The following LRRC7 variants were observed in gnomAD, a reference collection of about 807,000 sequenced individuals.
LRRC7 encodes the protein leucine rich repeat containing 7.
In LRRC7, 23 loss-of-function variants were observed where a neutral mutation model predicts 175.7. The ratio of observed to expected loss-of-function variants is 0.13; its 90% CI spans 0.09 to 0.19. LRRC7 has a LOEUF of 0.19. LRRC7 is among the 10% of genes least tolerant of loss of function. The pLI, the probability that LRRC7 is intolerant of heterozygous loss-of-function variation, is 1.00. For missense variants in LRRC7, 1,354 were observed against 1,904.7 expected (o/e 0.71, Z 5.38); for synonymous variants, 685 against 680.9 (o/e 1.01, Z -0.09).
intron 5 of LRRC7, among the ~76,000 whole-genome samples, chr1:69,832,044 G>C (rs1680582838): frequency 6.6e-6 from 1 of 152,206 alleles, no homozygotes; most frequent in South Asian, 2.1e-4. Flanking sequence ...AAATATAAAT[G>C]TGTTTGTTTT....
chr1:69,690,397 C>T (rs1028536830), intron 2 of LRRC7, among the ~76,000 whole-genome samples: 11 of 152,056 alleles, frequency 7.2e-5, no homozygotes, highest in African/African-American at 2.4e-4. Context: ...TTTGGATGTC[C>T]GGGAAGAAGT....
rs181061674 is a variant in LRRC7, at chr1:69,741,682, G to C, written c.101-18509G>C. On this transcript the variant is annotated intron_variant, in intron 2 of 26. Coordinates refer to ENST00000651989, the MANE Select transcript of LRRC7 (RefSeq NM_001370785.2). ...GTATTCAGAATAGGGGCAAGCTAAA[G>C]AAGACTTACGAACCATGACTAGCCA... 2.5e-3 allele frequency among the ~76,000 whole-genome samples: 383 copies of C among 152,098 alleles called. 3 individuals are homozygous for C. Among genetic ancestry groups the C allele is most frequent in the African/African-American group, 8.5e-3 (353 of 41,530 alleles).
rs1482279289 is a variant in LRRC7, at chr1:70,135,958, A to G, written c.*14071A>G. 6.6e-6 allele frequency among the ~76,000 whole-genome samples: 1 copy of G among 152,188 alleles called. No homozygotes were observed. Among genetic ancestry groups the G allele is most frequent in the Non-Finnish European group, 1.5e-5 (1 of 68,032 alleles). On this transcript the variant is annotated 3_prime_UTR_variant, in exon 27 of 27. Coordinates refer to ENST00000651989, the MANE Select transcript of LRRC7 (RefSeq NM_001370785.2). ...GCAGGACATCACTGCTATATTCTTT[A>G]TAAAACCATGAATGTTGCTAGCAAA...
chr1:70,018,895 G>T, intron 15 of LRRC7, 77 bp downstream of exon 15: 1 of 1,092,642 alleles, frequency 9.2e-7, no homozygotes, highest in Non-Finnish European at 1.4e-6. Flanking sequence ...CAGATCTCTG[G>T]CCAGGAGTAC....
At chr1:69,899,468 T>G (rs886410030) in intron 7 of LRRC7, among the ~76,000 whole-genome samples, 2 of 152,166 alleles carry the variant, frequency 1.3e-5, no homozygotes, top group Non-Finnish European at 2.9e-5. Flanking sequence ...AGCCTACAAT[T>G]TCCAACTATT....
At chr1:69,639,473 C>G (rs970427519) in intron 1 of LRRC7, among the ~76,000 whole-genome samples, 1 of 151,804 alleles carries the variant, frequency 6.6e-6, no homozygotes, top group African/African-American at 2.4e-5. Flanking sequence ...AGCTTTTCTG[C>G]AAACTCTATT....
chr1:69,978,694 C>G (rs1392575417), intron 8 of LRRC7, among the ~76,000 whole-genome samples: 2 of 152,216 alleles, frequency 1.3e-5, no homozygotes, highest in African/African-American at 4.8e-5. Flanking sequence ...GAATCTGAGA[C>G]TATCTCCAAA....
At chr1:69,820,867 G>A (rs1679210441) in intron 4 of LRRC7, among the ~76,000 whole-genome samples, 1 of 152,100 alleles carries the variant, frequency 6.6e-6, no homozygotes, top group South Asian at 2.1e-4. Flanking sequence ...AATCCTTTGG[G>A]TATATACCCA....
chr1:69,804,670 C>T (rs998869187), intron 4 of LRRC7, among the ~76,000 whole-genome samples: 1 of 151,652 alleles, frequency 6.6e-6, no homozygotes, highest in Admixed American at 6.6e-5. Context: ...TAATTATATG[C>T]AGCAATTTAT....
At chr1:69,576,227 G>GAAA (rs59481658) in intron 1 of LRRC7, among the ~76,000 whole-genome samples, 1 of 146,224 alleles carries the variant, frequency 6.8e-6, no homozygotes. Flanking sequence ...GTGACACTCT[G>GAAA]AAAAAAAAAA....
intron 7 of LRRC7, among the ~76,000 whole-genome samples, chr1:69,894,778 G>A (rs896185151): frequency 6.6e-6 from 1 of 152,106 alleles, no homozygotes; most frequent in East Asian, 1.9e-4. Context: ...CTAATATGAG[G>A]CACCTAAAAT....
intron 21 of LRRC7, among the ~76,000 whole-genome samples, chr1:70,040,760 G>C (rs1257531278): frequency 6.6e-6 from 1 of 152,150 alleles, no homozygotes; most frequent in Non-Finnish European, 1.5e-5. Context: ...GTTGCAGTGA[G>C]CTGAGATCAC....
At chr1:69,669,735 G>T (rs1658785749) in intron 1 of LRRC7, among the ~76,000 whole-genome samples, 1 of 152,090 alleles carries the variant, frequency 6.6e-6, no homozygotes, top group East Asian at 1.9e-4. Context: ...AGATCTTGTA[G>T]TCATGCTGTA....
chr1:69,909,746 G>T (rs1405362841), intron 7 of LRRC7, among the ~76,000 whole-genome samples: 1 of 151,652 alleles, frequency 6.6e-6, no homozygotes, highest in Non-Finnish European at 1.5e-5. Flanking sequence ...ACAATTATGT[G>T]TCTTGGAGTT....
intron 3 of LRRC7, among the ~76,000 whole-genome samples, chr1:69,781,534 T>G (rs1044871413): frequency 1.0e-4 from 15 of 150,334 alleles, no homozygotes; most frequent in Non-Finnish European, 1.5e-4. Context: ...ATATAAAAAA[T>G]TAGCCAGGTG....
intron 24 of LRRC7, among the ~76,000 whole-genome samples, chr1:70,078,804 G>A (rs371802011): frequency 0.099 from 12,634 of 127,570 alleles, 669 homozygotes; most frequent in South Asian, 0.2. Context: ...GCGCGCGCGC[G>A]CGCGCGCACA....
chr1:69,888,291 C>A (rs1158511468), intron 7 of LRRC7, among the ~76,000 whole-genome samples: 1 of 152,164 alleles, frequency 6.6e-6, no homozygotes, highest in Non-Finnish European at 1.5e-5. Flanking sequence ...GTAGGACCCT[C>A]GGATCCAGGT....
At chr1:69,728,204 T>C (rs1667186937) in intron 2 of LRRC7, among the ~76,000 whole-genome samples, 1 of 152,198 alleles carries the variant, frequency 6.6e-6, no homozygotes, top group African/African-American at 2.4e-5. Context: ...GTCTATTAAA[T>C]TCGATTTAAC....
intron 7 of LRRC7, among the ~76,000 whole-genome samples, chr1:69,839,253 T>C (rs1487961685): frequency 6.6e-6 from 1 of 152,112 alleles, no homozygotes; most frequent in Non-Finnish European, 1.5e-5. Flanking sequence ...GTCATTGCAA[T>C]ATAATGCCAC....
Sources: gnomAD v4.1 joint callset for allele counts (sites outside exome capture counted in the v4.1 genomes callset) on GRCh38, gnomAD v4.1.1 for gene constraint, MANE v1.5 for transcripts, NCBI Gene and HGNC (gene_info 2026-07-23, HGNC 2026-07-21) for gene names.